MFN1: variants seen among roughly 807,000 people sequenced by gnomAD.
The protein encoded by MFN1 is mitofusin-1.
Under a neutral mutation model 92.4 loss-of-function variants are expected in MFN1, and 65 were observed. The ratio of observed to expected loss-of-function variants is 0.70; its 90% CI spans 0.58 to 0.86. MFN1 has a LOEUF of 0.86. MFN1 is among the 40% of genes least tolerant of loss of function. MFN1 has a pLI of 0.00. For synonymous variants in MFN1, 297 were observed against 300.9 expected (o/e 0.99, Z 0.13); for missense variants, 781 against 868.0 (o/e 0.90, Z 1.26).
chr3:179,362,996 G>C (rs368024067), intron 5 of MFN1, among the ~76,000 whole-genome samples: 1 of 152,118 alleles, frequency 6.6e-6, no homozygotes, highest in African/African-American at 2.4e-5. Context: ...TAGCCAGATT[G>C]TATCTATGAC....
rs968610983 is a variant in MFN1, at chr3:179,378,427, C to T, written c.1416C>T (p.Thr472=). 3.1e-6 allele frequency: 5 copies of T among 1,593,798 alleles called. No homozygotes were observed. The highest frequency in any genetic ancestry group is 2.2e-5 in the East Asian group (1 of 44,782). ...AAGTAAACGCCTTAGTGCTTCAGAC[C>T]CAGCAAGAAATTATTGGTAATATTT... The part of the protein sequence containing the change: ...TDEVNALVLQ[T]QQEIIENLKP... Residue 472 remains threonine (T), a synonymous_variant, in exon 13 of 18, where the codon ACC becomes ACT. Coordinates refer to ENST00000471841, the MANE Select transcript of MFN1 (RefSeq NM_033540.3).
Position 179,354,938 on chromosome 3 carries a change from AG to A in MFN1, c.248+2905del, listed in dbSNP as rs373824699. On this transcript the variant is annotated intron_variant, in intron 3 of 17. Transcript: ENST00000471841. ...GCCTCCCTATAGTAGCTGGGATTAC[AG>A]GAGTGCACCACCACACCCAGCTAAT... is the stretch of plus-strand genomic sequence containing the variant. Among the ~76,000 whole-genome samples, 82 of 152,216 alleles carry A rather than the reference AG, an allele frequency of 5.4e-4. 2 individuals carry two copies. The highest frequency in any genetic ancestry group is 1.7e-3 in the African/African-American group (71 of 41,546).
chr3:179,356,248 C>G (rs1712340427), intron 3 of MFN1, among the ~76,000 whole-genome samples: 1 of 152,172 alleles, frequency 6.6e-6, no homozygotes, highest in Non-Finnish European at 1.5e-5. Context: ...TCCCACCCAC[C>G]CATTTCCAGG....
chr3:179,392,590 T>A lies in MFN1; in HGVS notation c.*531T>A, dbSNP rs1713949856. On this transcript the variant is annotated 3_prime_UTR_variant, in exon 18 of 18. Transcript: ENST00000471841. ...ATGTGAAACACTAATAAATGTGTTT[T>A]TACTTTTTATTCCCGTTAAAACTGA... 6.6e-6 allele frequency: 1 copy of A among 152,246 alleles called. No individual in the cohort carries two copies. Among genetic ancestry groups the A allele is most frequent in the Non-Finnish European group, 1.5e-5 (1 of 68,048 alleles). 9.4% of individuals were successfully genotyped at this position (152,246 alleles called of 1,614,324 possible). A position where few individuals can be genotyped will look rare whatever the true frequency, so the allele number is the denominator to read the frequency against.
At chr3:179,389,611 T>G (rs1713824277) in intron 16 of MFN1, among the ~76,000 whole-genome samples, 1 of 152,202 alleles carries the variant, frequency 6.6e-6, no homozygotes, top group Non-Finnish European at 1.5e-5. Context: ...ACCCTTTGAT[T>G]CTAGAAATAT....
intron 9 of MFN1, 47 bp from the exon 10 acceptor site, chr3:179,375,173 G>T: frequency 6.7e-7 from 1 of 1,503,046 alleles, no homozygotes; most frequent in Middle Eastern, 2.2e-4. Context: ...TCCTGAAAAT[G>T]TTGCGATGGA....
At chr3:179,349,853 A>G (rs576495112) in intron 2 of MFN1, among the ~76,000 whole-genome samples, 1 of 151,270 alleles carries the variant, frequency 6.6e-6, no homozygotes, top group South Asian at 2.1e-4. Context: ...TCTGGTTCTT[A>G]AGATTATGTA....
intron 9 of MFN1, among the ~76,000 whole-genome samples, chr3:179,374,026 G>T (rs1713123762): frequency 6.6e-6 from 1 of 151,356 alleles, no homozygotes. Flanking sequence ...TTATAGGATG[G>T]GCGTGGTGGC....
chr3:179,347,865 C>A (rs1711974593), intron 1 of MFN1, 55 bp downstream of exon 1: 1 of 152,030 alleles, frequency 6.6e-6, no homozygotes. Context: ...GACCTTCGAG[C>A]GACTGGGGAC....
intron 16 of MFN1, 128 bp downstream of exon 16, chr3:179,386,757 T>A: frequency 1.2e-6 from 1 of 846,738 alleles, no homozygotes; most frequent in Non-Finnish European, 1.8e-6. Context: ...GTGATGGCCA[T>A]AAATGAGAAA....
chr3:179,361,655 G>A (rs183336462), intron 4 of MFN1, among the ~76,000 whole-genome samples: 15 of 151,414 alleles, frequency 9.9e-5, no homozygotes, highest in East Asian at 5.8e-4. Context: ...TCCTGTCTCC[G>A]CCTCCCGAGT....
chr3:179,391,309 G>A (rs1713891575), intron 17 of MFN1, among the ~76,000 whole-genome samples: 1 of 152,024 alleles, frequency 6.6e-6, no homozygotes, highest in East Asian at 1.9e-4. Context: ...GCTTGAATAA[G>A]TATGAATATT....
chr3:179,386,214 A>G (rs1359215309), intron 15 of MFN1, among the ~76,000 whole-genome samples: 3 of 152,176 alleles, frequency 2.0e-5, no homozygotes, highest in Admixed American at 6.5e-5. Flanking sequence ...TTGAATCAGG[A>G]TAAGTCTGGC....
At chr3:179,374,481 T>C (rs1323065091) in intron 9 of MFN1, among the ~76,000 whole-genome samples, 3 of 150,790 alleles carry the variant, frequency 2.0e-5, no homozygotes, top group South Asian at 4.1e-4. Flanking sequence ...ATAAATGTGA[T>C]GCATTGTGAC....
chr3:179,392,479 C>T lies in MFN1; in HGVS notation c.*420C>T, dbSNP rs1369835008. On this transcript the variant is annotated 3_prime_UTR_variant, in exon 18 of 18. Coordinates refer to ENST00000471841, the MANE Select transcript of MFN1 (RefSeq NM_033540.3). Reference sequence around the variant, plus strand: ...ATAGTCACTTTTTTATTTAGTAAATCGCATTGCTGGAACCACCAAGGAGTG... The same window carrying T: ...ATAGTCACTTTTTTATTTAGTAAATTGCATTGCTGGAACCACCAAGGAGTG... 1 of 153,638 alleles carries T rather than the reference C, an allele frequency of 6.5e-6. No individual in the cohort carries two copies. Among genetic ancestry groups the T allele is most frequent in the Non-Finnish European group, 1.4e-5 (1 of 69,132 alleles). 9.5% of individuals were successfully genotyped at this position (153,638 alleles called of 1,614,324 possible).
At chr3:179,375,141 C>G in intron 9 of MFN1, 79 bp from the exon 10 acceptor site, 5 of 1,412,354 alleles carry the variant, frequency 3.5e-6, no homozygotes, top group Non-Finnish European at 4.7e-6. Context: ...AAGTTACAAA[C>G]AGCAAGTTTT....
intron 2 of MFN1, among the ~76,000 whole-genome samples, chr3:179,349,783 A>G (rs545870895): frequency 2.0e-5 from 3 of 151,670 alleles, no homozygotes; most frequent in African/African-American, 7.2e-5. Flanking sequence ...CTGGGATTAC[A>G]GGTGTGAGCC....
chr3:179,381,532 G>C (rs1377196585), intron 14 of MFN1, among the ~76,000 whole-genome samples: 2 of 152,276 alleles, frequency 1.3e-5, no homozygotes, highest in East Asian at 3.9e-4. Flanking sequence ...GTTATTAATG[G>C]TGTGTCTTAT....
At chr3:179,356,228 G>C (rs1712339927) in intron 3 of MFN1, among the ~76,000 whole-genome samples, 1 of 152,178 alleles carries the variant, frequency 6.6e-6, no homozygotes, top group Non-Finnish European at 1.5e-5. Flanking sequence ...TAGAGGACTG[G>C]AACTTTCCTT....
Sources: gnomAD v4.1 joint callset for allele counts (sites outside exome capture counted in the v4.1 genomes callset) on GRCh38, gnomAD v4.1.1 for gene constraint, MANE v1.5 for transcripts, NCBI Gene and HGNC (gene_info 2026-07-23, HGNC 2026-07-21) for gene names.